LNX1: variants seen among roughly 807,000 people sequenced by gnomAD.
LNX1 encodes the protein E3 ubiquitin-protein ligase LNX.
LNX1 carries 54 observed loss-of-function variants against 68.4 expected under a neutral mutation model. That is an observed-to-expected ratio of 0.79 (90% CI 0.63 to 0.99). The LOEUF is 0.99. LNX1 is among the 50% of genes least tolerant of loss of function. LNX1 has a pLI of 0.00. For synonymous variants in LNX1, 336 were observed against 350.0 expected (o/e 0.96, Z 0.45); for missense variants, 906 against 926.4 (o/e 0.98, Z 0.29).
At chr4:53,636,342 A>G (rs1021083707) in intron 1 of LNX1, among the ~76,000 whole-genome samples, 2 of 152,184 alleles carry the variant, frequency 1.3e-5, no homozygotes, top group African/African-American at 4.8e-5. Flanking sequence ...GAAGAACACA[A>G]TGAGGATAAA....
chr4:53,616,383 C>T (rs956930513), intron 2 of LNX1: 2 of 152,198 alleles, frequency 1.3e-5, no homozygotes, highest in Non-Finnish European at 2.9e-5. Context: ...GCGCCTGGGT[C>T]AGCAGCACAT....
Position 53,649,641 on chromosome 4 carries a change from A to C in LNX1, c.-215+2527T>G, listed in dbSNP as rs149124102. ...TTACAGTATTTCATCCTTCCTGCAC[A>C]CCACTCCCTTTACTCCCCTTCTAGT... On this transcript the variant is annotated intron_variant, in intron 1 of 2. Coordinates refer to the LNX1 transcript ENST00000507168. 2.6e-5 allele frequency among the ~76,000 whole-genome samples: 4 copies of C among 152,280 alleles called. No individual in the cohort carries two copies. The East Asian group carries it at 7.7e-4, about 29-fold the overall frequency.
chr4:53,547,595 C>T (rs2109684199), intron 2 of LNX1, among the ~76,000 whole-genome samples: 1 of 152,130 alleles, frequency 6.6e-6, no homozygotes, highest in East Asian at 1.9e-4. Flanking sequence ...CTCTCCCTCC[C>T]CTACTGTTCT....
At chr4:53,531,970 T>C (rs1728051879) in intron 2 of LNX1, among the ~76,000 whole-genome samples, 2 of 152,228 alleles carry the variant, frequency 1.3e-5, no homozygotes, top group Non-Finnish European at 2.9e-5. Context: ...ACTTCAGTTG[T>C]TCTTTTTGCT....
At chr4:53,504,785 ACGGAGGCC>A (rs1403004873) in intron 4 of LNX1, among the ~76,000 whole-genome samples, 4 of 152,206 alleles carry the variant, frequency 2.6e-5, no homozygotes, top group Non-Finnish European at 5.9e-5. Context: ...ATCAGGGAAT[ACGGAGGCC>A]CAAGAAGAGA....
intron 1 of LNX1, among the ~76,000 whole-genome samples, chr4:53,646,426 T>C (rs751741935): frequency 4.9e-4 from 75 of 152,228 alleles, no homozygotes; most frequent in Non-Finnish European, 9.7e-4. Flanking sequence ...GCTGTATTCA[T>C]AGCACTTACA....
chr4:53,641,005 C>T lies in LNX1; in HGVS notation c.-215+11163G>A, dbSNP rs550539849. Reference sequence around the variant, plus strand: ...TTTGGGATGAAAAGGTATTGGAAGGCTGGCTGCTAATTGGAGCTTGCACCT... The same window carrying T: ...TTTGGGATGAAAAGGTATTGGAAGGTTGGCTGCTAATTGGAGCTTGCACCT... On this transcript the variant is annotated intron_variant, in intron 1 of 2. Transcript: ENST00000507168. Among the ~76,000 whole-genome samples the T allele has an allele frequency of 1.3e-3, 197 of 152,350 alleles. 1 individual carries two copies. Among genetic ancestry groups the T allele is most frequent in the African/African-American group, 4.6e-3 (191 of 41,584 alleles).
intron 2 of LNX1, among the ~76,000 whole-genome samples, chr4:53,569,751 T>C (rs1456244095): frequency 1.3e-4 from 19 of 143,104 alleles, no homozygotes; most frequent in South Asian, 2.4e-4. Context: ...AGAAAATTTT[T>C]GCAACCTACT....
intron 2 of LNX1, among the ~76,000 whole-genome samples, chr4:53,605,104 C>T (rs1231236639): frequency 6.6e-6 from 1 of 151,996 alleles, no homozygotes; most frequent in Non-Finnish European, 1.5e-5. Flanking sequence ...CCCATGTTCT[C>T]GTGGTCAAAG....
intron 2 of LNX1, among the ~76,000 whole-genome samples, chr4:53,532,540 G>A (rs550234260): frequency 1.4e-3 from 217 of 152,240 alleles, no homozygotes; most frequent in Non-Finnish European, 1.9e-3. Context: ...TTTCCATAAA[G>A]ACCCTGCAAA....
intron 6 of LNX1, among the ~76,000 whole-genome samples, chr4:53,487,982 T>C (rs1257168368): frequency 1.6e-4 from 25 of 152,208 alleles, no homozygotes; most frequent in Admixed American, 1.3e-3. Context: ...TCAAATATCA[T>C]TCTCAGTGAA....
chr4:53,460,947 A>G lies in LNX1; in HGVS notation c.2147T>C (p.Ile716Thr), dbSNP rs1721945639. Residue 716 changes from isoleucine to threonine, a missense_variant, in exon 11 of 11, where the codon ATT becomes ACT. By Grantham distance (89) the Ile-to-Thr change is moderately conservative (BLOSUM62 -1). Coordinates refer to ENST00000263925, the MANE Select transcript of LNX1 (RefSeq NM_001126328.3). ...AGGCCAAGAAACAATAGTTAGAGTAATTCTTCCTTTAAGTTCTTTCAGCAG... is the reference window on the plus strand; with the variant it reads ...AGGCCAAGAAACAATAGTTAGAGTAGTTCTTCCTTTAAGTTCTTTCAGCAG... ...ARLLKELKGRITLTIVSWPGT... is the reference protein window; with the variant it reads ...ARLLKELKGRTTLTIVSWPGT... 1.9e-6 allele frequency: 3 copies of G among 1,611,232 alleles called. No homozygotes were observed. Among genetic ancestry groups the G allele is most frequent in the South Asian group, 2.2e-5 (2 of 90,536 alleles).
At position 53,539,534 on chromosome 4, in the gene LNX1, T is replaced by G. The variant is rs117447769; in HGVS notation, c.381-31307A>C. Among the ~76,000 whole-genome samples, 68 of 152,324 alleles carry G rather than the reference T, an allele frequency of 4.5e-4. No homozygotes were observed. In the East Asian group the frequency reaches 0.012, roughly 27 times the overall value. On this transcript the variant is annotated intron_variant, in intron 2 of 10. Transcript: ENST00000263925. ...GCATGTGCCACCATGCCCAGCTAAT[T>G]TTTTTAGTTTCTCCTTTAAATGACT...
chr4:53,515,520 CA>C (rs139163655), intron 2 of LNX1, among the ~76,000 whole-genome samples: 11 of 148,500 alleles, frequency 7.4e-5, no homozygotes, highest in African/African-American at 1.5e-4. Flanking sequence ...CCCACCCCAC[CA>C]AAAAAAAAAT....
chr4:53,575,059 A>G (rs11133278), intron 1 of LNX1, among the ~76,000 whole-genome samples: 91,145 of 151,530 alleles, frequency 0.6, 27,683 homozygotes, highest in Non-Finnish European at 0.63. Context: ...TCTGCTCACT[A>G]CAACTGCCAC....
chr4:53,499,478 C>T (rs530060366), intron 4 of LNX1, among the ~76,000 whole-genome samples: 8 of 152,260 alleles, frequency 5.3e-5, no homozygotes, highest in African/African-American at 1.9e-4. Flanking sequence ...TTCTTATATA[C>T]CTCATATCAT....
intron 2 of LNX1, among the ~76,000 whole-genome samples, chr4:53,526,450 C>CT (rs5858219): frequency 0.31 from 46,762 of 151,794 alleles, 7,689 homozygotes; most frequent in East Asian, 0.42. Context: ...AGAATGCCTA[C>CT]TTTTTGGAAG....
At chr4:53,649,619 C>T (rs1275187870) in intron 1 of LNX1, among the ~76,000 whole-genome samples, 1 of 152,224 alleles carries the variant, frequency 6.6e-6, no homozygotes, top group African/African-American at 2.4e-5. Context: ...CTATCAGTTA[C>T]AGTATTTCAT....
chr4:53,631,471 C>T (rs1734267878), intron 1 of LNX1, among the ~76,000 whole-genome samples: 1 of 152,216 alleles, frequency 6.6e-6, no homozygotes, highest in South Asian at 2.1e-4. Context: ...GCCTATTATC[C>T]ATAGAGGCCT....
Sources: gnomAD v4.1 joint callset for allele counts (sites outside exome capture counted in the v4.1 genomes callset) on GRCh38, gnomAD v4.1.1 for gene constraint, MANE v1.5 for transcripts, NCBI Gene and HGNC (gene_info 2026-07-23, HGNC 2026-07-21) for gene names.